TECTA: variants seen among roughly 807,000 people sequenced by gnomAD.
TECTA encodes tectorin alpha, also known as alpha-tectorin.
Under a neutral mutation model 216.8 loss-of-function variants are expected in TECTA, and 128 were observed. That is an observed-to-expected ratio of 0.59 (90% CI 0.51 to 0.68). The LOEUF (loss-of-function observed/expected upper bound fraction) is 0.68. TECTA is among the 30% of genes least tolerant of loss of function. The pLI, the probability that TECTA is intolerant of heterozygous loss-of-function variation, is 0.00. For missense variants in TECTA, 2,551 were observed against 2,786.2 expected (o/e 0.92, Z 1.90); for synonymous variants, 1,089 against 1,117.1 (o/e 0.97, Z 0.50).
intron 7 of TECTA, among the ~76,000 whole-genome samples, chr11:121,120,387 G>A (rs1946545851): frequency 6.6e-6 from 1 of 152,224 alleles, no homozygotes; most frequent in Admixed American, 6.5e-5. Flanking sequence ...TGGTTTCCAA[G>A]CGTCTCTGAA....
chr11:121,185,552 G>A (rs1947277103), intron 20 of TECTA, among the ~76,000 whole-genome samples: 1 of 113,442 alleles, frequency 8.8e-6, no homozygotes, highest in Non-Finnish European at 1.8e-5. Context: ...AGGGAAAGCA[G>A]ATGTTGAATG....
chr11:121,142,761 A>G (rs964800031), intron 11 of TECTA, among the ~76,000 whole-genome samples: 2 of 151,224 alleles, frequency 1.3e-5, no homozygotes, highest in African/African-American at 4.9e-5. Context: ...CTGTCACTGC[A>G]CCTCTCCACC....
In TECTA at chr11:121,145,860, C is replaced by T; in HGVS notation, c.3849C>T (p.Asp1283=). Reference sequence around the variant, plus strand: ...CCTTCTGCCAGGTGGGCTGTGGGGACCGCTGTCCGTCCTGTGCCAAGGTGG... The same window carrying T: ...CCTTCTGCCAGGTGGGCTGTGGGGATCGCTGTCCGTCCTGTGCCAAGGTGG... The part of the protein sequence containing the change: ...RDTFCQVGCG[D]RCPSCAKVEG... The change falls in exon 12 of 24, where the codon GAC becomes GAT. Residue 1283 remains aspartate (D), a synonymous_variant. Coordinates refer to ENST00000392793, the MANE Select transcript of TECTA (RefSeq NM_005422.4). The T allele has an allele frequency of 6.2e-7, 1 of 1,614,250 alleles. No individual in the cohort carries two copies. Among genetic ancestry groups the T allele is most frequent in the Non-Finnish European group, 8.5e-7 (1 of 1,180,048 alleles).
chr11:121,152,471 A>G (rs568304999), intron 12 of TECTA, among the ~76,000 whole-genome samples: 1 of 152,338 alleles, frequency 6.6e-6, no homozygotes, highest in African/African-American at 2.4e-5. Context: ...GAGAGGATGA[A>G]GAAGGGCATG....
At chr11:121,161,329 G>A (rs1415651299) in intron 15 of TECTA, among the ~76,000 whole-genome samples, 1 of 152,050 alleles carries the variant, frequency 6.6e-6, no homozygotes, top group East Asian at 1.9e-4. Context: ...GGCAAAGCCA[G>A]GACTAGATTC....
intron 15 of TECTA, 66 bp downstream of exon 15, chr11:121,160,487 G>A: frequency 6.3e-7 from 1 of 1,591,312 alleles, no homozygotes; most frequent in Non-Finnish European, 8.5e-7. Context: ...CATGGGTGGT[G>A]TGAATGAGGA....
At chr11:121,133,442 C>T (rs1893023) in intron 10 of TECTA, among the ~76,000 whole-genome samples, 74,982 of 151,786 alleles carry the variant, frequency 0.49, 18,878 homozygotes, top group African/African-American at 0.57. Flanking sequence ...ATGTTCTTTA[C>T]GGTTCTTTTG....
intron 13 of TECTA, among the ~76,000 whole-genome samples, chr11:121,154,644 G>A (rs767649107): frequency 7.2e-5 from 11 of 152,148 alleles, no homozygotes; most frequent in Non-Finnish European, 1.3e-4. Context: ...TGAAACCTGG[G>A]TTCCATCCTA....
At chr11:121,157,524 T>A (rs752230772) in intron 13 of TECTA, among the ~76,000 whole-genome samples, 5 of 152,094 alleles carry the variant, frequency 3.3e-5, no homozygotes, top group Non-Finnish European at 5.9e-5. Context: ...GTCCAGGCGT[T>A]CCGGGTTACT....
In TECTA at chr11:121,125,561, A is replaced by T. The variant is rs774788489; in HGVS notation, c.1463A>T (p.Glu488Val). 4 of 1,614,080 alleles carry T rather than the reference A, an allele frequency of 2.5e-6. No homozygotes were observed. In the South Asian group the frequency reaches 4.4e-5, roughly 18 times the overall value. ...RPAMSVLDLG[E>V]SWRVYHADWK... is the part of the protein sequence containing the mutation. ...GCCATGTCTGTCCTGGATCTGGGAG[A>T]GAGCTGGCGTGTGTACCACGCAGAC... The change falls in exon 8 of 24, where the codon GAG becomes GTG. Residue 488 changes from glutamate (E) to valine (V), a missense_variant. Glu to Val is a moderately radical substitution (Grantham distance 121). Around this residue, in one of 3 missense-constraint regions of TECTA, gnomAD observed 2,375 missense variants for 2,563.9 expected, o/e 0.93. Transcript: ENST00000392793.
rs766390346 is a variant in TECTA at position 121,189,181 on chromosome 11, C to G, written c.6250+14C>G. The G allele has an allele frequency of 3.7e-6, 6 of 1,610,634 alleles. No homozygotes were observed. In the African/African-American group the frequency reaches 6.7e-5, roughly 18 times the overall value. On this transcript the variant is annotated intron_variant, in intron 22 of 23. Transcript: ENST00000392793. Reference sequence around the variant, plus strand: ...TTAGGAGAAAAAGTATGTATGTTCCCTAAAACACACCCTAAATTATTAAAA... The same window carrying G: ...TTAGGAGAAAAAGTATGTATGTTCCGTAAAACACACCCTAAATTATTAAAA...
At chr11:121,189,427 G>A (rs1393290501) in intron 22 of TECTA, among the ~76,000 whole-genome samples, 1 of 151,424 alleles carries the variant, frequency 6.6e-6, no homozygotes. Flanking sequence ...AAGCTGGAGA[G>A]CGGTGGCGCA....
chr11:121,113,176 C>G lies in TECTA; in HGVS notation c.591C>G (p.Asp197Glu), dbSNP rs562490470. The G allele has an allele frequency of 6.2e-7, 1 of 1,613,990 alleles. No homozygotes were observed. Among genetic ancestry groups the G allele is most frequent in the African/African-American group, 1.3e-5 (1 of 75,008 alleles). ...CCACGGGGACGGCGAGTGGCGGCGA[C>G]CCCCTGACAGGTCTTGGTGGAGTGA... ...NWTTGTASGG[D>E]PLTGLGGVMA... Residue 197 changes from aspartate (D) to glutamate (E), a missense_variant, in exon 5 of 24, where the codon GAC becomes GAG. Physicochemically the swap from Asp to Glu is conservative, Grantham distance 45. Transcript: ENST00000392793. The surrounding 1 kb of genome is among the most constrained non-coding windows in gnomAD (Gnocchi z 4.2).
intron 20 of TECTA, among the ~76,000 whole-genome samples, chr11:121,186,293 G>GTTGCTTACAA (rs1252079060): frequency 6.6e-6 from 1 of 152,266 alleles, no homozygotes; most frequent in Non-Finnish European, 1.5e-5. Context: ...TCTACAAGTG[G>GTTGCTTACAA]CTTGTAAGTC....
At chr11:121,183,679 A>T (rs1947253812) in intron 20 of TECTA, among the ~76,000 whole-genome samples, 1 of 152,174 alleles carries the variant, frequency 6.6e-6, no homozygotes, top group Non-Finnish European at 1.5e-5. Context: ...GTGAGCTGAG[A>T]TCTCACCACT....
chr11:121,152,424 CCACTGG>C (rs1946899463), intron 12 of TECTA, among the ~76,000 whole-genome samples: 1 of 152,144 alleles, frequency 6.6e-6, no homozygotes, highest in African/African-American at 2.4e-5. Flanking sequence ...GGTGGGACTC[CCACTGG>C]CACTTGAAGA....
intron 20 of TECTA, among the ~76,000 whole-genome samples, chr11:121,179,565 A>G (rs1947204408): frequency 6.6e-6 from 1 of 152,156 alleles, no homozygotes; most frequent in Non-Finnish European, 1.5e-5. Context: ...TCTAAAGTGC[A>G]ATTTAAGTAA....
Position 121,168,321 on chromosome 11 carries a change from A to G in TECTA, c.5750+104A>G, listed in dbSNP as rs1947076590. ...GTTTGTCTTTGATGCCCTAGGAAAA[A>G]CATAATTCACGTTTCTTGAGCCTAA... On this transcript the variant is annotated intron_variant, in intron 19 of 23. Transcript: ENST00000392793. 5 of 1,455,432 alleles carry G rather than the reference A, an allele frequency of 3.4e-6. No homozygotes were observed. In the South Asian group the frequency reaches 5.8e-5, roughly 17 times the overall value. 90.2% of individuals were successfully genotyped at this position (1,455,432 alleles called of 1,614,324 possible).
rs146454148 is a variant in TECTA at position 121,134,512 on chromosome 11, G to A, written c.2942-2909G>A. On this transcript the variant is annotated intron_variant, in intron 10 of 23. Transcript: ENST00000392793. ...GACTCCAGAGCTACCTACAGCAGGAGAGCCTCCACGGCTTCTGTCGGCCAC... is the reference window on the plus strand; with the variant it reads ...GACTCCAGAGCTACCTACAGCAGGAAAGCCTCCACGGCTTCTGTCGGCCAC... Among the ~76,000 whole-genome samples, 5 of 152,250 alleles carry A rather than the reference G, an allele frequency of 3.3e-5. No individual in the cohort carries two copies. In the East Asian group the frequency reaches 9.7e-4, roughly 29 times the overall value.
Sources: gnomAD v4.1 joint callset for allele counts (sites outside exome capture counted in the v4.1 genomes callset) on GRCh38, gnomAD v4.1.1 for gene constraint, gnomAD v4.1.1 regional missense constraint, Gnocchi (gnomAD v3.1) non-coding constraint, MANE v1.5 for transcripts, NCBI Gene and HGNC (gene_info 2026-07-23, HGNC 2026-07-21) for gene names.